Variants in MICALL1 observed in about 807,000 individuals in gnomAD.
MICALL1 encodes the protein MICAL-like protein 1.
In MICALL1, 61 loss-of-function variants were observed where a neutral mutation model predicts 83.7. The observed-to-expected ratio is 0.73, with a 90% confidence interval of 0.59 to 0.90. MICALL1 has a LOEUF of 0.90. MICALL1 is among the 40% of genes least tolerant of loss of function. The pLI, the probability that MICALL1 is intolerant of heterozygous loss-of-function variation, is 0.00. For synonymous variants in MICALL1, 481 were observed against 473.6 expected (o/e 1.02, Z -0.20); for missense variants, 1,066 against 1,152.0 (o/e 0.93, Z 1.08).
rs148177840 is a variant in MICALL1 at position 37,931,153 on chromosome 22, T to A, written c.1882-646T>A. Among the ~76,000 whole-genome samples, 546 of 152,288 alleles carry A rather than the reference T, an allele frequency of 3.6e-3. 3 individuals are homozygous for A. The highest frequency in any genetic ancestry group is 0.012 in the African/African-American group (499 of 41,558). ...CACCCCAGCTTGGGCTCATGGGAAG[T>A]GTGTGGCCGTGAGCAAATGACTTAA... On this transcript the variant is annotated intron_variant, in intron 9 of 15. Coordinates refer to ENST00000215957, the MANE Select transcript of MICALL1 (RefSeq NM_033386.4).
intron 3 of MICALL1, among the ~76,000 whole-genome samples, chr22:37,913,647 G>A (rs903747756): frequency 2.0e-5 from 3 of 152,198 alleles, no homozygotes; most frequent in African/African-American, 7.2e-5. Flanking sequence ...TCCCATGCAA[G>A]GACCTCCCTT....
At chr22:37,918,331 C>T (rs953434621) in intron 4 of MICALL1, among the ~76,000 whole-genome samples, 2 of 152,200 alleles carry the variant, frequency 1.3e-5, no homozygotes, top group Non-Finnish European at 2.9e-5. Context: ...CTGCCAGTCA[C>T]CTGTTTGAAG....
intron 6 of MICALL1, 151 bp downstream of exon 6, chr22:37,922,577 T>G: frequency 8.7e-6 from 1 of 114,768 alleles, no homozygotes; most frequent in South Asian, 9.5e-5. Flanking sequence ...TTTGAGGTTA[T>G]TATATATATA....
rs1433605073 is a variant in MICALL1, at chr22:37,931,905, G to A, written c.1988G>A (p.Gly663Glu). The A allele has an allele frequency of 6.2e-7, 1 of 1,614,132 alleles. No homozygotes were observed. The highest frequency in any genetic ancestry group is 8.5e-7 in the Non-Finnish European group (1 of 1,180,010). ...GSKPVRPPAP[G>E]HGFPLIKRKV... ...AAGCCAGTGAGGCCACCTGCCCCTG[G>A]ACACGGCTTTCCACTCATCAAACGC... is the stretch of plus-strand genomic sequence containing the variant. The change falls in exon 10 of 16, where the codon GGA (glycine) becomes GAA (glutamate). Residue 663 changes from glycine to glutamate, a missense_variant. Physicochemically the swap from Gly to Glu is moderately conservative, Grantham distance 98. Transcript: ENST00000215957.
At chr22:37,940,541 A>G (rs1310496339) in intron 15 of MICALL1, among the ~76,000 whole-genome samples, 168 bp from the exon 16 acceptor site, 3 of 152,130 alleles carry the variant, frequency 2.0e-5, no homozygotes, top group Non-Finnish European at 4.4e-5. Context: ...GTGAAGAGAC[A>G]GAGGCTGGGA....
chr22:37,918,215 C>T (rs1329207658), intron 4 of MICALL1, among the ~76,000 whole-genome samples: 3 of 152,194 alleles, frequency 2.0e-5, no homozygotes, highest in Non-Finnish European at 2.9e-5. Flanking sequence ...CTCTCAACAA[C>T]CCAGGGAGGT....
Position 37,918,935 on chromosome 22 carries a change from G to A in MICALL1, c.427-101G>A, listed in dbSNP as rs1359993489. On this transcript the variant is annotated intron_variant, in intron 4 of 15. Transcript: ENST00000215957. ...CCACCACGAAGCCTGGTGCACACTTGAGTGACGGTGGCCGTTGGAGGGAGG... is the reference window on the plus strand; with the variant it reads ...CCACCACGAAGCCTGGTGCACACTTAAGTGACGGTGGCCGTTGGAGGGAGG... 7.3e-6 allele frequency: 10 copies of A among 1,371,194 alleles called. No individual in the cohort carries two copies. In the East Asian group the frequency reaches 2.6e-4, roughly 35 times the overall value. The allele number at this position is 1,371,194 out of a possible 1,614,324, so 84.9% of individuals were successfully genotyped here. A position where few individuals can be genotyped will look rare whatever the true frequency, so the allele number is the denominator to read the frequency against.
chr22:37,924,343 C>T lies in MICALL1; in HGVS notation c.1025-317C>T, dbSNP rs201298294. ...GATTCACAGAGGACACTTGGGAGTCCAGGACTTCCAGGAGGAGGTGGCTCC... is the reference window on the plus strand; with the variant it reads ...GATTCACAGAGGACACTTGGGAGTCTAGGACTTCCAGGAGGAGGTGGCTCC... On this transcript the variant is annotated intron_variant, in intron 6 of 15. Transcript: ENST00000215957. This position sits in a 1 kb window ranked among gnomAD's most constrained non-coding sequence, Gnocchi z 5.2. Among the ~76,000 whole-genome samples the T allele has an allele frequency of 3.9e-4, 59 of 152,234 alleles. No individual in the cohort carries two copies. The East Asian group carries it at 0.011, about 28-fold the overall frequency.
chr22:37,939,865 C>T (rs955233380), intron 15 of MICALL1, among the ~76,000 whole-genome samples: 1 of 149,528 alleles, frequency 6.7e-6, no homozygotes, highest in African/African-American at 2.5e-5. Flanking sequence ...GAGGCGGGCT[C>T]ATCGCCTGAG....
chr22:37,941,030 C>A lies in MICALL1; in HGVS notation c.*200C>A. On this transcript the variant is annotated 3_prime_UTR_variant, in exon 16 of 16. Transcript: ENST00000215957. Reference sequence around the variant, plus strand: ...AAGAATCTCTTGTTTCTTCTCCGAGCCCCAGGCAGCGGTGATTCAGCCCTG... The same window carrying A: ...AAGAATCTCTTGTTTCTTCTCCGAGACCCAGGCAGCGGTGATTCAGCCCTG... 1 of 600,276 alleles carries A rather than the reference C, an allele frequency of 1.7e-6. No homozygotes were observed. Among genetic ancestry groups the A allele is most frequent in the Non-Finnish European group, 2.8e-6 (1 of 362,296 alleles). 37.2% of individuals were successfully genotyped at this position (600,276 alleles called of 1,614,324 possible).
chr22:37,906,320 C>A lies in MICALL1; in HGVS notation c.-103C>A, dbSNP rs1160423748. On this transcript the variant is annotated 5_prime_UTR_variant, in exon 1 of 16. Transcript: ENST00000215957. The surrounding 1 kb of genome is among the most constrained non-coding windows in gnomAD (Gnocchi z 4.4). ...TCGCCTGCCGGTCGGCGCCCGAGCT[C>A]GGAGCCGCAGCCGCAGCCGGAAACC... The A allele has an allele frequency of 1.1e-6, 1 of 877,114 alleles. No homozygotes were observed. Among genetic ancestry groups the A allele is most frequent in the Non-Finnish European group, 1.4e-6 (1 of 733,540 alleles). The allele number at this position is 877,114 out of a possible 1,614,324, so 54.3% of individuals were successfully genotyped here.
rs760581157 is a variant in MICALL1, at chr22:37,919,123, C to T, written c.514C>T (p.His172Tyr). ...STCAACQQHV[H>Y]LVQRYLADGR... ...GTGCGCAGCCTGCCAGCAGCATGTG[C>T]ACTTGGTGCAGCGCTACCTGGCTGA... The change falls in exon 5 of 16, where the codon CAC becomes TAC. Residue 172 changes from histidine (H) to tyrosine (Y), a missense_variant. Coordinates refer to ENST00000215957, the MANE Select transcript of MICALL1 (RefSeq NM_033386.4). 43 of 1,551,464 alleles carry T rather than the reference C, an allele frequency of 2.8e-5. No individual in the cohort carries two copies. In the South Asian group the frequency reaches 4.4e-4, roughly 16 times the overall value.
rs78721162 is a variant in MICALL1, at chr22:37,921,634, A to G, written c.570-338A>G. On this transcript the variant is annotated intron_variant, in intron 5 of 15. Transcript: ENST00000215957. The stretch of plus-strand genomic sequence containing the variant: ...CAAAACAACACCTGATTGGGTAAAA[A>G]CCACTGCTTTATTTTCCTGAGCCAC... Among the ~76,000 whole-genome samples the G allele has an allele frequency of 2.9e-3, 445 of 152,242 alleles. 4 individuals are homozygous for G. Among genetic ancestry groups the G allele is most frequent in the African/African-American group, 0.01 (427 of 41,556 alleles).
rs896137348 is a variant in MICALL1, at chr22:37,919,170, C to G, written c.561C>G (p.His187Gln). The change falls in exon 5 of 16, where the codon CAC (histidine) becomes CAG (glutamine). Residue 187 changes from histidine (H) to glutamine (Q), a missense_variant. His to Gln is a conservative substitution (Grantham distance 24, BLOSUM62 0). Coordinates refer to ENST00000215957, the MANE Select transcript of MICALL1 (RefSeq NM_033386.4). ...CTGACGGCAGGCTGTACCATCGCCACTGCTTCCGGTGAGTGGCCAGGGCCG... is the reference window on the plus strand; with the variant it reads ...CTGACGGCAGGCTGTACCATCGCCAGTGCTTCCGGTGAGTGGCCAGGGCCG... ...YLADGRLYHR[H>Q]CFRCRRCSST... 6.5e-7 allele frequency: 1 copy of G among 1,536,956 alleles called. No individual in the cohort carries two copies. Among genetic ancestry groups the G allele is most frequent in the Non-Finnish European group, 8.8e-7 (1 of 1,137,142 alleles).
chr22:37,917,888 A>G, intron 4 of MICALL1, 93 bp downstream of exon 4: 1 of 1,136,088 alleles, frequency 8.8e-7, no homozygotes, highest in Non-Finnish European at 1.3e-6. Flanking sequence ...CATGTGAGGA[A>G]GTTAGCCCTG....
chr22:37,915,749 G>T (rs574127823), intron 3 of MICALL1, among the ~76,000 whole-genome samples: 1 of 150,842 alleles, frequency 6.6e-6, no homozygotes. Context: ...ATGTTCAAGC[G>T]ATTCTCATGC....
intron 13 of MICALL1, among the ~76,000 whole-genome samples, chr22:37,933,638 G>T (rs375451096): frequency 1.3e-5 from 2 of 152,290 alleles, no homozygotes; most frequent in African/African-American, 4.8e-5. Flanking sequence ...GGCCGAGTTG[G>T]GGTTTGGTGA....
Position 37,937,162 on chromosome 22 carries a change from T to C in MICALL1, c.2391T>C (p.Ala797=). 1 of 1,551,084 alleles carries C rather than the reference T, an allele frequency of 6.4e-7. No individual in the cohort carries two copies. The change falls in exon 14 of 16, where the codon GCT becomes GCC. Residue 797 remains alanine (A), a synonymous_variant. Transcript: ENST00000215957. ...TGACCCTCATTGAGCAGCGCAACGC[T>C]ATCATCAACTGCCTGGATGAGGACC... ...ELVTLIEQRN[A]IINCLDEDRQ...
At chr22:37,937,005 C>A in intron 13 of MICALL1, 75 bp from the exon 14 acceptor site, 1 of 1,269,190 alleles carries the variant, frequency 7.9e-7, no homozygotes, top group Middle Eastern at 1.9e-4. Flanking sequence ...CGCACTTAGG[C>A]AGTGGCTCCT....
Sources: gnomAD v4.1 joint callset for allele counts (sites outside exome capture counted in the v4.1 genomes callset) on GRCh38, gnomAD v4.1.1 for gene constraint, Gnocchi (gnomAD v3.1) non-coding constraint, MANE v1.5 for transcripts, NCBI Gene and HGNC (gene_info 2026-07-23, HGNC 2026-07-21) for gene names.